DLG5: variants seen among roughly 807,000 people sequenced by gnomAD.
DLG5 encodes the protein disks large homolog 5.
In DLG5, 48 loss-of-function variants were observed where a neutral mutation model predicts 189.8. The ratio of observed to expected loss-of-function variants is 0.25; its 90% CI spans 0.20 to 0.32. DLG5 has a LOEUF of 0.32. Ranked by LOEUF, DLG5 falls within the 10% of genes least tolerant of loss-of-function variation. The probability of loss-of-function intolerance (pLI) is 1.00; values close to 1 mark genes in which losing one functional copy is unlikely to be tolerated. For synonymous variants in DLG5, 1,016 were observed against 1,054.1 expected (o/e 0.96, Z 0.70); for missense variants, 2,160 against 2,544.7 (o/e 0.85, Z 3.25).
rs756582758 is a variant in DLG5 at position 77,796,042 on chromosome 10, A to G, written c.5436+19T>C. The stretch of plus-strand genomic sequence containing the variant: ...GTCTAATACTGGATGCCTAATCCTC[A>G]GACTGAAGCCCTGGGTACCTTTTCT... On this transcript the variant is annotated intron_variant, in intron 29 of 31. Coordinates refer to ENST00000372391, the MANE Select transcript of DLG5 (RefSeq NM_004747.4). This position sits in a 1 kb window ranked among gnomAD's most constrained non-coding sequence, Gnocchi z 5.2. The G allele has an allele frequency of 6.2e-7, 1 of 1,614,146 alleles. No individual in the cohort carries two copies. Among genetic ancestry groups the G allele is most frequent in the East Asian group, 2.2e-5 (1 of 44,880 alleles).
At chr10:77,856,600 G>T in intron 3 of DLG5, 130 bp downstream of exon 3, 1 of 1,213,420 alleles carries the variant, frequency 8.2e-7, no homozygotes, top group South Asian at 1.5e-5. Context: ...CATGAGGTGG[G>T]GGAAAGGGGA....
chr10:77,895,600 A>G (rs1448302168), intron 1 of DLG5, among the ~76,000 whole-genome samples: 1 of 152,216 alleles, frequency 6.6e-6, no homozygotes, highest in Non-Finnish European at 1.5e-5. Flanking sequence ...GGGACACTGG[A>G]GAAGTCCCTC....
At chr10:77,805,991 A>G in intron 26 of DLG5, 130 bp from the exon 27 acceptor site, 1 of 885,732 alleles carries the variant, frequency 1.1e-6, no homozygotes, top group Admixed American at 2.6e-5. Context: ...GGCAGGTCTC[A>G]AGGCTACATC....
intron 1 of DLG5, among the ~76,000 whole-genome samples, chr10:77,888,305 G>A (rs1398122546): frequency 6.6e-6 from 1 of 152,186 alleles, no homozygotes; most frequent in Non-Finnish European, 1.5e-5. Context: ...CAGCCTCAGA[G>A]GAAAGACCTT....
intron 14 of DLG5, 139 bp from the exon 15 acceptor site, chr10:77,822,240 A>G: frequency 1.1e-6 from 1 of 879,282 alleles, no homozygotes; most frequent in Non-Finnish European, 1.7e-6. Context: ...ATAGACAGAG[A>G]TGCACACACA....
Position 77,830,341 on chromosome 10 carries a change from C to T in DLG5, c.1885G>A (p.Asp629Asn). Residue 629 changes from aspartate to asparagine, a missense_variant, in exon 11 of 32, where the codon GAT (aspartate) becomes AAT (asparagine). Asp to Asn is a conservative substitution (Grantham distance 23). This residue lies in a region of DLG5 where 664 missense variants were observed against 838.5 expected (regional missense o/e 0.79). Coordinates refer to ENST00000372391, the MANE Select transcript of DLG5 (RefSeq NM_004747.4). The part of the protein sequence containing the change: ...EVVEFERETE[D>N]IDLKALGFDM... ...AACCCCAGTGCCTTCAAGTCAATAT[C>T]CTCCTGCAAAAACAGCAGCAACAGC... 6.2e-7 allele frequency: 1 copy of T among 1,614,128 alleles called. No homozygotes were observed. Among genetic ancestry groups the T allele is most frequent in the South Asian group, 1.1e-5 (1 of 91,058 alleles).
intron 17 of DLG5, among the ~76,000 whole-genome samples, chr10:77,818,195 G>T (rs936159429): frequency 1.1e-4 from 16 of 152,280 alleles, no homozygotes; most frequent in Non-Finnish European, 4.4e-5. Context: ...TTGCAACCTG[G>T]GTGGGCCTGG....
chr10:77,927,761 C>G (rs927738459), upstream of DLG5: 2 of 152,224 alleles, frequency 1.3e-5, no homozygotes, highest in Non-Finnish European at 2.9e-5. Flanking sequence ...CCCTTAAAGC[C>G]CAAGAATGTC....
intron 1 of DLG5, among the ~76,000 whole-genome samples, chr10:77,890,164 T>G (rs1001232566): frequency 6.6e-6 from 1 of 152,114 alleles, no homozygotes; most frequent in Non-Finnish European, 1.5e-5. Context: ...CAAAAACCTA[T>G]AGACAACAGC....
chr10:77,926,262 A>T lies in DLG5; in HGVS notation c.259T>A (p.Tyr87Asn). Reference sequence around the variant, plus strand: ...GGCGGCCCGACGACGCCGTTCAGGTAGAGAATGGGCAGCAGGTGAGGCTGC... The same window carrying T: ...GGCGGCCCGACGACGCCGTTCAGGTTGAGAATGGGCAGCAGGTGAGGCTGC... ...KTQPHLLPIL[Y>N]LNGVVGPPQP... The change falls in exon 1 of 32, where the codon TAC becomes AAC. Residue 87 changes from tyrosine to asparagine, a missense_variant. Coordinates refer to ENST00000372391, the MANE Select transcript of DLG5 (RefSeq NM_004747.4). The surrounding 1 kb of genome is among the most constrained non-coding windows in gnomAD (Gnocchi z 5.2). 1 of 1,570,570 alleles carries T rather than the reference A, an allele frequency of 6.4e-7. No individual in the cohort carries two copies. Among genetic ancestry groups the T allele is most frequent in the Non-Finnish European group, 8.6e-7 (1 of 1,160,384 alleles).
chr10:77,833,374 T>C (rs1842967730), intron 9 of DLG5, among the ~76,000 whole-genome samples: 1 of 152,180 alleles, frequency 6.6e-6, no homozygotes. Flanking sequence ...TCTGTCGTCA[T>C]CTTACTCATT....
chr10:77,882,599 T>C (rs1015843217), intron 1 of DLG5, among the ~76,000 whole-genome samples: 1 of 151,766 alleles, frequency 6.6e-6, no homozygotes, highest in Admixed American at 6.6e-5. Context: ...CAAACATGCA[T>C]ACAAAAGGAA....
intron 1 of DLG5, among the ~76,000 whole-genome samples, chr10:77,897,643 G>C (rs1564583172): frequency 6.7e-6 from 1 of 149,206 alleles, no homozygotes; most frequent in Non-Finnish European, 1.5e-5. Flanking sequence ...GGGCAACATA[G>C]TGAGACCCTA....
chr10:77,817,697 G>A (rs1316498652), intron 18 of DLG5, 80 bp downstream of exon 18: 7 of 1,287,762 alleles, frequency 5.4e-6, no homozygotes, highest in Admixed American at 4.2e-5. Flanking sequence ...GAGCCCACCC[G>A]CAGATCTGGA....
At chr10:77,896,144 C>CA (rs5786310) in intron 1 of DLG5, among the ~76,000 whole-genome samples, 101,146 of 146,534 alleles carry the variant, frequency 0.69, 34,548 homozygotes, top group East Asian at 0.75. Context: ...GACTGTGTCT[C>CA]AAAAAAAAAA....
intron 27 of DLG5, among the ~76,000 whole-genome samples, chr10:77,797,507 C>T (rs779822813): frequency 2.6e-4 from 40 of 152,160 alleles, no homozygotes; most frequent in Non-Finnish European, 5.6e-4. Context: ...ATTCCAGGAG[C>T]GGCGGGCTTC....
intron 27 of DLG5, among the ~76,000 whole-genome samples, chr10:77,801,557 G>A (rs914016068): frequency 5.3e-5 from 8 of 152,292 alleles, no homozygotes; most frequent in South Asian, 2.1e-4. Flanking sequence ...CTCCAAAACC[G>A]ACCACACCAC....
chr10:77,838,993 C>T (rs1180031760), intron 7 of DLG5, among the ~76,000 whole-genome samples: 2 of 152,250 alleles, frequency 1.3e-5, no homozygotes, highest in Non-Finnish European at 2.9e-5. Context: ...CTGACAGGTG[C>T]ACTTGATGCC....
chr10:77,866,229 A>C (rs1012468623), intron 2 of DLG5, among the ~76,000 whole-genome samples: 6 of 152,190 alleles, frequency 3.9e-5, no homozygotes, highest in Non-Finnish European at 8.8e-5. Flanking sequence ...GGACTGGTAC[A>C]AGCCTGGTAC....
Sources: allele counts gnomAD v4.1 joint callset (sites outside exome capture counted in the v4.1 genomes callset), GRCh38; gene constraint gnomAD v4.1.1; regional missense constraint gnomAD v4.1.1; non-coding constraint Gnocchi (gnomAD v3.1); transcripts MANE v1.5; gene names NCBI Gene and HGNC (gene_info 2026-07-23, HGNC 2026-07-21).